BAK1: variants seen among roughly 807,000 people sequenced by gnomAD.
BAK1 encodes the protein bcl-2 homologous antagonist/killer.
In BAK1, 19 loss-of-function variants were observed where a neutral mutation model predicts 24.7. The observed-to-expected ratio is 0.77, with a 90% CI of 0.54 to 1.13. The LOEUF is 1.13. Ranked by LOEUF, BAK1 falls within the 50% of genes most tolerant of loss-of-function variation. The probability of loss-of-function intolerance (pLI) is 0.00; values close to 1 mark genes in which losing one functional copy is unlikely to be tolerated. For synonymous variants in BAK1, 86 were observed against 107.3 expected, an observed-to-expected ratio of 0.80 and a Z score of 1.23; for missense variants, 194 against 279.4, an observed-to-expected ratio of 0.69 and a Z score of 2.18.
chr6:33,575,505 A>C lies in BAK1; in HGVS notation c.207-64T>G. 1 of 1,605,450 alleles carries C rather than the reference A, an allele frequency of 6.2e-7. No individual in the cohort carries two copies. Among genetic ancestry groups the C allele is most frequent in the South Asian group, 1.1e-5 (1 of 90,694 alleles). ...GGCAGTCGGGACCAGGCCCTGGCTC[A>C]TGGCAGAGGGGTTCTGCCTGAGCTG... On this transcript the variant is annotated intron_variant, in intron 3 of 5. Transcript: ENST00000374467. The surrounding 1 kb of genome is among the most constrained non-coding windows in gnomAD (Gnocchi z 6.3).
At position 33,573,642 on chromosome 6, in the gene BAK1, T is replaced by C; in HGVS notation, c.*161A>G. The C allele has an allele frequency of 1.5e-6, 1 of 663,610 alleles. No homozygotes were observed. The highest frequency in any genetic ancestry group is 1.9e-5 in the South Asian group (1 of 53,342). 41.1% of individuals were successfully genotyped at this position (663,610 alleles called of 1,614,324 possible). ...GCAATGTTGAGGTGCCTCTGCAGCC[T>C]GACTGGCCCCCACGCAGGGGCCCTC... On this transcript the variant is annotated 3_prime_UTR_variant, in exon 6 of 6. Coordinates refer to ENST00000374467, the MANE Select transcript of BAK1 (RefSeq NM_001188.4).
Position 33,573,343 on chromosome 6 carries a change from A to G in BAK1, c.*460T>C, listed in dbSNP as rs181851656. On this transcript the variant is annotated 3_prime_UTR_variant, in exon 6 of 6. Coordinates refer to ENST00000374467, the MANE Select transcript of BAK1 (RefSeq NM_001188.4). ...CCATCTCTTAGGGTGCTGATCTTCC[A>G]GAATAGCTGAATCCTGGGGAACATA... The G allele has an allele frequency of 5.9e-6, 1 of 169,868 alleles. No individual in the cohort carries two copies. Among genetic ancestry groups the G allele is most frequent in the African/African-American group, 2.4e-5 (1 of 41,852 alleles). 10.5% of individuals were successfully genotyped at this position (169,868 alleles called of 1,614,324 possible).
Position 33,574,113 on chromosome 6 carries a change from A to C in BAK1, c.452T>G (p.Leu151Arg). ...GACCACGAAGCGGGTCACCTGGCCTAGGAAGCCAGTCAGGCCATGCTGGTA... is the reference window on the plus strand; with the variant it reads ...GACCACGAAGCGGGTCACCTGGCCTCGGAAGCCAGTCAGGCCATGCTGGTA... ...HVYQHGLTGF[L>R]GQVTRFVVDF... is the part of the protein sequence containing the mutation. The change falls in exon 5 of 6, where the codon CTA becomes CGA. Residue 151 changes from leucine to arginine, a missense_variant. Leu to Arg is a moderately radical substitution (Grantham distance 102, BLOSUM62 -2). Coordinates refer to ENST00000374467, the MANE Select transcript of BAK1 (RefSeq NM_001188.4). 1 of 1,614,228 alleles carries C rather than the reference A, an allele frequency of 6.2e-7. No individual in the cohort carries two copies. Among genetic ancestry groups the C allele is most frequent in the Non-Finnish European group, 8.5e-7 (1 of 1,180,040 alleles).
rs1160712491 is a variant in BAK1, at chr6:33,572,878, G to A, written c.*925C>T. ...GTGTTGATAGTCCTTCTCCCACTTA[G>A]AACCCTCCAGATGAACTCCCTACTC... On this transcript the variant is annotated 3_prime_UTR_variant, in exon 6 of 6. Coordinates refer to ENST00000374467, the MANE Select transcript of BAK1 (RefSeq NM_001188.4). 6.6e-6 allele frequency: 1 copy of A among 151,652 alleles called. No homozygotes were observed. Among genetic ancestry groups the A allele is most frequent in the African/African-American group, 2.4e-5 (1 of 41,086 alleles). 9.4% of individuals were successfully genotyped at this position (151,652 alleles called of 1,614,324 possible).
At position 33,578,448 on chromosome 6, in the gene BAK1, G is replaced by A. The variant is rs1762882247; in HGVS notation, c.-31-813C>T. ...TTTGTCTGAATCTCCGTGAGTCCAT[G>A]TACTCAACACGCATGCAAGATTTCT... On this transcript the variant is annotated intron_variant, in intron 1 of 5. Transcript: ENST00000374467. This position sits in a 1 kb window ranked among gnomAD's most constrained non-coding sequence, Gnocchi z 4.8. Among the ~76,000 whole-genome samples, 1 of 152,212 alleles carries A rather than the reference G, an allele frequency of 6.6e-6. No homozygotes were observed. The highest frequency in any genetic ancestry group is 2.4e-5 in the African/African-American group (1 of 41,448).
chr6:33,576,505 C>T (rs1320377475), intron 2 of BAK1, among the ~76,000 whole-genome samples: 2 of 151,340 alleles, frequency 1.3e-5, no homozygotes, highest in African/African-American at 2.4e-5. Flanking sequence ...TGGTGGGAGG[C>T]GCCTGTAGTC....
chr6:33,578,156 C>T lies in BAK1; in HGVS notation c.-31-521G>A, dbSNP rs1394041246. 6.6e-6 allele frequency among the ~76,000 whole-genome samples: 1 copy of T among 152,202 alleles called. No individual in the cohort carries two copies. Among genetic ancestry groups the T allele is most frequent in the Admixed American group, 6.5e-5 (1 of 15,284 alleles). Reference sequence around the variant, plus strand: ...AAGCGAGCCACTGCCCAGCCAATGGCCCATGAAGGCTGTCCTCAGAGGCCC... The same window carrying T: ...AAGCGAGCCACTGCCCAGCCAATGGTCCATGAAGGCTGTCCTCAGAGGCCC... On this transcript the variant is annotated intron_variant, in intron 1 of 5. Coordinates refer to ENST00000374467, the MANE Select transcript of BAK1 (RefSeq NM_001188.4). This position sits in a 1 kb window ranked among gnomAD's most constrained non-coding sequence, Gnocchi z 4.8.
At position 33,573,885 on chromosome 6, in the gene BAK1, T is replaced by C; in HGVS notation, c.554A>G (p.Asn185Ser). The C allele has an allele frequency of 1.2e-6, 2 of 1,614,188 alleles. No individual in the cohort carries two copies. Among genetic ancestry groups the C allele is most frequent in the Non-Finnish European group, 1.7e-6 (2 of 1,180,032 alleles). ...CACCAGCACGTTCAGGATGGGACCATTGCCCAAGTTCAGGGCTGCCACCTG... is the reference window on the plus strand; with the variant it reads ...CACCAGCACGTTCAGGATGGGACCACTGCCCAAGTTCAGGGCTGCCACCTG... ...GGWVAALNLGNGPILNVLVVL... is the reference protein window; with the variant it reads ...GGWVAALNLGSGPILNVLVVL... Residue 185 changes from asparagine to serine, a missense_variant, in exon 6 of 6, where the codon AAT becomes AGT. By Grantham distance (46) the Asn-to-Ser change is conservative. Transcript: ENST00000374467.
At chr6:33,576,854 A>T (rs893001107) in intron 2 of BAK1, among the ~76,000 whole-genome samples, 1 of 152,182 alleles carries the variant, frequency 6.6e-6, no homozygotes, top group Non-Finnish European at 1.5e-5. Context: ...GTGCAAGGTC[A>T]TACAGCCAGA....
In BAK1 at chr6:33,575,951, A is replaced by G. The variant is rs1361451903; in HGVS notation, c.71-23T>C. ...CCTCTGAGGATCAAAGCTGGGAGTC[A>G]GGGAGAGAGGGCCGAACCCTGGCAG... On this transcript the variant is annotated intron_variant, in intron 2 of 5. Coordinates refer to ENST00000374467, the MANE Select transcript of BAK1 (RefSeq NM_001188.4). The surrounding 1 kb of genome is among the most constrained non-coding windows in gnomAD (Gnocchi z 6.3). 2 of 1,613,918 alleles carry G rather than the reference A, an allele frequency of 1.2e-6. No individual in the cohort carries two copies. Among genetic ancestry groups the G allele is most frequent in the East Asian group, 4.5e-5 (2 of 44,884 alleles).
At chr6:33,576,683 A>AAAAAAG (rs1554130790) in intron 2 of BAK1, among the ~76,000 whole-genome samples, 3 of 151,994 alleles carry the variant, frequency 2.0e-5, no homozygotes, top group African/African-American at 7.3e-5. Flanking sequence ...AAAAAAAAAA[A>AAAAAAG]AAAGAAAAGA....
rs1196636881 is a variant in BAK1, at chr6:33,580,183, T to A, written c.-190A>T. 6.6e-6 allele frequency: 1 copy of A among 152,236 alleles called. No individual in the cohort carries two copies. The highest frequency in any genetic ancestry group is 1.5e-5 in the Non-Finnish European group (1 of 68,034). 9.4% of individuals were successfully genotyped at this position (152,236 alleles called of 1,614,324 possible). ...TCTGGATGTAGCCTTTACTTGTCCC[T>A]GTGCAGCCCGAGGGACCCGCGAGAC... On this transcript the variant is annotated 5_prime_UTR_variant, in exon 1 of 6. Transcript: ENST00000374467.
In BAK1 at chr6:33,574,069, A is replaced by C; in HGVS notation, c.496T>G (p.Cys166Gly). The change falls in exon 5 of 6, where the codon TGC becomes GGC. Residue 166 changes from cysteine to glycine, a missense_variant. Coordinates refer to ENST00000374467, the MANE Select transcript of BAK1 (RefSeq NM_001188.4). ...RFVVDFMLHH[C>G]IARWIAQRGG... The stretch of plus-strand genomic sequence containing the variant: ...CTCTGTGCAATCCACCGGGCAATGC[A>C]GTGATGCAGCATGAAGTCGACCACG... 6.2e-7 allele frequency: 1 copy of C among 1,614,198 alleles called. No homozygotes were observed.
rs149960684 is a variant in BAK1, at chr6:33,576,013, C to T, written c.71-85G>A. 7 of 1,561,656 alleles carry T rather than the reference C, an allele frequency of 4.5e-6. No individual in the cohort carries two copies. The East Asian group carries it at 1.6e-4, about 35-fold the overall frequency. ...ATAGGGGATTCACTCTTCCTAAGGC[C>T]ATAGCTGTCCTCACCCATGGAAAGA... On this transcript the variant is annotated intron_variant, in intron 2 of 5. Transcript: ENST00000374467.
chr6:33,575,668 A>G lies in BAK1; in HGVS notation c.206+125T>C. The G allele has an allele frequency of 6.9e-7, 1 of 1,451,124 alleles. No individual in the cohort carries two copies. The allele number at this position is 1,451,124 out of a possible 1,614,324, so 89.9% of individuals were successfully genotyped here. On this transcript the variant is annotated intron_variant, in intron 3 of 5. Coordinates refer to ENST00000374467, the MANE Select transcript of BAK1 (RefSeq NM_001188.4). The surrounding 1 kb of genome is among the most constrained non-coding windows in gnomAD (Gnocchi z 6.3). The stretch of plus-strand genomic sequence containing the variant: ...TGGGGGTGGGAGCCCAACATAAAAG[A>G]GGAGCAACCATGAGAGAAGGGCAAG...
Position 33,577,639 on chromosome 6 carries a change from C to G in BAK1, c.-31-4G>C. ...CTCAGTGGAGGACGGGATCAGCCTGCGGGGAAGGGCGAGAAAAAGCAGAGA... is the reference window on the plus strand; with the variant it reads ...CTCAGTGGAGGACGGGATCAGCCTGGGGGGAAGGGCGAGAAAAAGCAGAGA... On this transcript the variant is annotated splice_polypyrimidine_tract_variant and splice_region_variant and intron_variant, in intron 1 of 5. Transcript: ENST00000374467. This position sits in a 1 kb window ranked among gnomAD's most constrained non-coding sequence, Gnocchi z 4.6. 6.6e-7 allele frequency: 1 copy of G among 1,523,710 alleles called. No individual in the cohort carries two copies. The highest frequency in any genetic ancestry group is 8.9e-7 in the Non-Finnish European group (1 of 1,126,362). The allele number at this position is 1,523,710 out of a possible 1,614,324, so 94.4% of individuals were successfully genotyped here. A position where few individuals can be genotyped will look rare whatever the true frequency, so the allele number is the denominator to read the frequency against.
In BAK1 at chr6:33,578,461, A is replaced by G. The variant is rs1402582398; in HGVS notation, c.-31-826T>C. ...CCGTGAGTCCATGTACTCAACACGC[A>G]TGCAAGATTTCTTTTCCAGTTTGTG... On this transcript the variant is annotated intron_variant, in intron 1 of 5. Transcript: ENST00000374467. The surrounding 1 kb of genome is among the most constrained non-coding windows in gnomAD (Gnocchi z 4.8). 6.6e-6 allele frequency among the ~76,000 whole-genome samples: 1 copy of G among 152,232 alleles called. No individual in the cohort carries two copies. Among genetic ancestry groups the G allele is most frequent in the Non-Finnish European group, 1.5e-5 (1 of 68,036 alleles).
rs1055252744 is a variant in BAK1 at position 33,575,015 on chromosome 6, G to A, written c.350+283C>T. On this transcript the variant is annotated intron_variant, in intron 4 of 5. Transcript: ENST00000374467. The surrounding 1 kb of genome is among the most constrained non-coding windows in gnomAD (Gnocchi z 6.3). Reference sequence around the variant, plus strand: ...TATGTCCCAGCTGGGCTGGGGAGCTGTGGGGGACGTCCCCACCTCAGGCCC... The same window carrying A: ...TATGTCCCAGCTGGGCTGGGGAGCTATGGGGGACGTCCCCACCTCAGGCCC... 6.6e-6 allele frequency among the ~76,000 whole-genome samples: 1 copy of A among 152,250 alleles called. No individual in the cohort carries two copies. Among genetic ancestry groups the A allele is most frequent in the East Asian group, 1.9e-4 (1 of 5,196 alleles).
intron 1 of BAK1, among the ~76,000 whole-genome samples, chr6:33,579,167 G>A (rs566767310): frequency 1.3e-4 from 20 of 152,242 alleles, no homozygotes; most frequent in African/African-American, 4.3e-4. Context: ...CCAACATAAT[G>A]AAACCCCATC....
Sources: allele counts gnomAD v4.1 joint callset (sites outside exome capture counted in the v4.1 genomes callset), GRCh38; gene constraint gnomAD v4.1.1; non-coding constraint Gnocchi (gnomAD v3.1); transcripts MANE v1.5; gene names NCBI Gene and HGNC (gene_info 2026-07-23, HGNC 2026-07-21).